The following STK32B variants were observed in gnomAD, a reference collection of about 807,000 sequenced individuals.
STK32B encodes serine/threonine kinase 32B.
In STK32B, 43 loss-of-function variants were observed where a neutral mutation model predicts 52.6. That is an observed-to-expected ratio of 0.82 (90% CI 0.64 to 1.05). The LOEUF (loss-of-function observed/expected upper bound fraction) is 1.05. Ranked by LOEUF, STK32B falls within the 50% of genes least tolerant of loss-of-function variation. STK32B has a pLI of 0.00. For synonymous variants in STK32B, 238 were observed against 204.3 expected (o/e 1.17, Z -1.41); for missense variants, 621 against 534.6 (o/e 1.16, Z -1.59).
intron 3 of STK32B, among the ~76,000 whole-genome samples, chr4:5,226,482 A>G (rs113508071): frequency 0.05 from 7,542 of 152,266 alleles, 419 homozygotes; most frequent in African/African-American, 0.14. Context: ...ACCGTTCGGA[A>G]AAGCATGATG....
At chr4:5,264,141 G>A (rs9985897) in intron 3 of STK32B, among the ~76,000 whole-genome samples, 10,582 of 152,188 alleles carry the variant, frequency 0.07, 440 homozygotes, top group East Asian at 0.12. Context: ...ACGTGATTTT[G>A]TGAACATATA....
Position 5,446,737 on chromosome 4 carries a change from G to A in STK32B, c.627G>A (p.Trp209Ter). 1 of 1,614,080 alleles carries A rather than the reference G, an allele frequency of 6.2e-7. No individual in the cohort carries two copies. Among genetic ancestry groups the A allele is most frequent in the Non-Finnish European group, 8.5e-7 (1 of 1,180,002 alleles). The change falls in exon 7 of 12, where the codon TGG (tryptophan) becomes TGA (stop). Residue 209 changes from tryptophan (W) to a stop codon, truncating the protein, a stop_gained. Coordinates refer to ENST00000282908, the MANE Select transcript of STK32B (RefSeq NM_018401.3). LOFTEE classifies it high-confidence loss of function. The part of the protein sequence containing the change: ...GPGYSYPVDW[W>*]SLGITAYELL... ...GATACTCGTACCCTGTCGACTGGTG[G>A]TCCCTGGGCATCACAGCCTATGAGC...
intron 3 of STK32B, among the ~76,000 whole-genome samples, chr4:5,175,946 C>T (rs1719844332): frequency 6.6e-6 from 1 of 152,244 alleles, no homozygotes; most frequent in Non-Finnish European, 1.5e-5. Flanking sequence ...GTGGTGGGCT[C>T]CACCCACTCG....
intron 3 of STK32B, among the ~76,000 whole-genome samples, chr4:5,308,611 T>G (rs1459814560): frequency 6.6e-6 from 1 of 152,200 alleles, no homozygotes; most frequent in African/African-American, 2.4e-5. Flanking sequence ...GCCAGGTGCC[T>G]TCTTCTAATT....
At chr4:5,224,697 GTTAA>G (rs1723753824) in intron 3 of STK32B, among the ~76,000 whole-genome samples, 1 of 152,038 alleles carries the variant, frequency 6.6e-6, no homozygotes, top group South Asian at 2.1e-4. Context: ...TATCACTAAT[GTTAA>G]TTAATGACAT....
intron 6 of STK32B, among the ~76,000 whole-genome samples, chr4:5,425,245 G>A (rs1712993501): frequency 6.6e-6 from 1 of 152,224 alleles, no homozygotes; most frequent in Admixed American, 6.5e-5. Context: ...GCAAAATGCA[G>A]GTGAAGGTGC....
intron 2 of STK32B, among the ~76,000 whole-genome samples, chr4:5,159,679 A>G (rs1718247038): frequency 6.9e-5 from 5 of 72,236 alleles, no homozygotes; most frequent in African/African-American, 2.2e-4. Context: ...ATATGAATAT[A>G]TATATGAATA....
Position 5,378,884 on chromosome 4 carries a change from A to G in STK32B, c.435-19323A>G, listed in dbSNP as rs922457580. On this transcript the variant is annotated intron_variant, in intron 4 of 11. Coordinates refer to ENST00000282908, the MANE Select transcript of STK32B (RefSeq NM_018401.3). This position sits in a 1 kb window ranked among gnomAD's most constrained non-coding sequence, Gnocchi z 4.4. ...GGCACGCTGCTGCCATCCTTGCAGC[A>G]TTAAAGGCGTCATCTGCAAAAGGGG... 1.3e-5 allele frequency among the ~76,000 whole-genome samples: 2 copies of G among 152,170 alleles called. No homozygotes were observed. Among genetic ancestry groups the G allele is most frequent in the African/African-American group, 2.4e-5 (1 of 41,434 alleles).
At chr4:5,420,286 C>T (rs2109076048) in intron 6 of STK32B, among the ~76,000 whole-genome samples, 1 of 152,290 alleles carries the variant, frequency 6.6e-6, no homozygotes, top group African/African-American at 2.4e-5. Context: ...TATAAGTAGT[C>T]TTCATGGGAG....
chr4:5,037,252 G>A, the STK32B span, among the ~76,000 whole-genome samples: 2 of 152,152 alleles, frequency 1.3e-5, no homozygotes, highest in African/African-American at 4.8e-5. Context: ...CTGGGTGGGG[G>A]ATCACCCCTG....
intron 3 of STK32B, among the ~76,000 whole-genome samples, chr4:5,223,596 G>A (rs912903527): frequency 5.3e-5 from 8 of 151,974 alleles, no homozygotes; most frequent in Non-Finnish European, 1.0e-4. Flanking sequence ...GGCGAATCAC[G>A]AGGTCAGGAG....
intron 1 of STK32B, among the ~76,000 whole-genome samples, chr4:5,113,380 G>T (rs1295873352): frequency 1.3e-5 from 2 of 152,150 alleles, no homozygotes; most frequent in Non-Finnish European, 2.9e-5. Context: ...AAGCCACCCA[G>T]TCTATGATAT....
intron 3 of STK32B, among the ~76,000 whole-genome samples, chr4:5,254,298 A>G (rs888863620): frequency 5.9e-5 from 9 of 151,428 alleles, no homozygotes; most frequent in African/African-American, 2.2e-4. Flanking sequence ...TATCAGTGTT[A>G]CTGTGGGTTT....
intron 3 of STK32B, among the ~76,000 whole-genome samples, chr4:5,239,917 C>T (rs920789033): frequency 2.0e-5 from 3 of 152,090 alleles, no homozygotes; most frequent in Admixed American, 6.6e-5. Flanking sequence ...CTGCCATTCC[C>T]TCTGTCTGGG....
chr4:5,063,061 G>T (rs1018501306), intron 1 of STK32B, among the ~76,000 whole-genome samples: 1 of 152,018 alleles, frequency 6.6e-6, no homozygotes, highest in Non-Finnish European at 1.5e-5. Context: ...GAACAATTTT[G>T]TGTATGTCTC....
chr4:5,271,209 T>G (rs1727407202), intron 3 of STK32B, among the ~76,000 whole-genome samples: 1 of 152,190 alleles, frequency 6.6e-6, no homozygotes, highest in South Asian at 2.1e-4. Flanking sequence ...GTGCTGGGAT[T>G]AACAGGTGTG....
At chr4:5,369,898 C>T (rs536458973) in intron 4 of STK32B, among the ~76,000 whole-genome samples, 163 of 151,248 alleles carry the variant, frequency 1.1e-3, no homozygotes, top group African/African-American at 3.6e-3. Flanking sequence ...TTTTTTGAGA[C>T]GGCGTCTTGC....
intron 4 of STK32B, among the ~76,000 whole-genome samples, chr4:5,375,280 C>A (rs1445466758): frequency 6.6e-6 from 1 of 152,160 alleles, no homozygotes; most frequent in East Asian, 1.9e-4. Context: ...TATTCCCCAC[C>A]ATGCCTGTAC....
At chr4:5,335,364 C>T (rs147415310) in intron 4 of STK32B, among the ~76,000 whole-genome samples, 10,721 of 152,094 alleles carry the variant, frequency 0.07, 667 homozygotes, top group African/African-American at 0.17. Context: ...TGATTCTTCT[C>T]TCTTTTTTTC....
Sources: gnomAD v4.1 joint callset for allele counts (sites outside exome capture counted in the v4.1 genomes callset) on GRCh38, gnomAD v4.1.1 for gene constraint, Gnocchi (gnomAD v3.1) non-coding constraint, MANE v1.5 for transcripts, NCBI Gene and HGNC (gene_info 2026-07-23, HGNC 2026-07-21) for gene names.